DIO2: variants seen among roughly 807,000 people sequenced by gnomAD.
DIO2 encodes iodothyronine deiodinase 2.
In DIO2, 19 loss-of-function variants were observed where a neutral mutation model predicts 21.4. The observed-to-expected ratio is 0.89, with a 90% CI of 0.62 to 1.30. The LOEUF (loss-of-function observed/expected upper bound fraction) is 1.30, where lower values mean the gene tolerates loss of function less well. Ranked by LOEUF, DIO2 falls within the 50% of genes most tolerant of loss-of-function variation. DIO2 has a pLI of 0.00. For synonymous variants in DIO2, 122 were observed against 132.9 expected, an observed-to-expected ratio of 0.92 and a Z score of 0.57; for missense variants, 302 against 338.1, an observed-to-expected ratio of 0.89 and a Z score of 0.84.
At position 80,202,078 on chromosome 14, in the gene DIO2, T is replaced by C. The variant is rs1594872060; in HGVS notation, c.*611A>G. ...AGATGATCATTCTAACCTCTCAGAC[T>C]GAGGGATCATTCTCGGTATCTACAA... On this transcript the variant is annotated 3_prime_UTR_variant, in exon 2 of 2. Coordinates refer to ENST00000438257, the MANE Select transcript of DIO2 (RefSeq NM_013989.5). 1 of 274,736 alleles carries C rather than the reference T, an allele frequency of 3.6e-6. No homozygotes were observed. The highest frequency in any genetic ancestry group is 3.5e-5 in the South Asian group (1 of 28,954). 17.0% of individuals were successfully genotyped at this position (274,736 alleles called of 1,614,324 possible).
chr14:80,211,468 C>A lies in DIO2; in HGVS notation c.5G>T (p.Gly2Val). The change falls in exon 1 of 2, where the codon GGC becomes GTC. Residue 2 changes from glycine to valine, a missense_variant. Gly to Val is a moderately radical substitution (Grantham distance 109, BLOSUM62 -3). Coordinates refer to ENST00000438257, the MANE Select transcript of DIO2 (RefSeq NM_013989.5). MGILSVDLLITL... is the reference protein window; with the variant it reads MVILSVDLLITL... ...GATCAGCAAGTCTACGCTGAGGATG[C>A]CCATCTTCTCTGCCTCCTGAGTCAG... The A allele has an allele frequency of 6.2e-7, 1 of 1,605,768 alleles. No homozygotes were observed.
chr14:80,202,653 C>T lies in DIO2; in HGVS notation c.*36G>A. On this transcript the variant is annotated 3_prime_UTR_variant, in exon 2 of 2. Coordinates refer to ENST00000438257, the MANE Select transcript of DIO2 (RefSeq NM_013989.5). ...TCTTAATTTCCTTGCCTTTATATAACTTTTTAAAACAATAAGCTCTCTTAT... is the reference window on the plus strand; with the variant it reads ...TCTTAATTTCCTTGCCTTTATATAATTTTTTAAAACAATAAGCTCTCTTAT... 1 of 1,542,188 alleles carries T rather than the reference C, an allele frequency of 6.5e-7. No individual in the cohort carries two copies. The highest frequency in any genetic ancestry group is 8.7e-7 in the Non-Finnish European group (1 of 1,144,912).
At chr14:80,229,868 T>C (rs1888650606) in intron 2 of DIO2, among the ~76,000 whole-genome samples, 2 of 152,134 alleles carry the variant, frequency 1.3e-5, no homozygotes, top group Non-Finnish European at 2.9e-5. Flanking sequence ...TTGCTGTTTA[T>C]ATAAATTAAA....
chr14:80,204,110 T>C (rs1384263625), intron 1 of DIO2, among the ~76,000 whole-genome samples: 1 of 152,044 alleles, frequency 6.6e-6, no homozygotes, highest in Non-Finnish European at 1.5e-5. Flanking sequence ...TGAGCAAAGC[T>C]TTGCACTCTC....
At chr14:80,210,486 AG>A (rs1278577379) in intron 1 of DIO2, among the ~76,000 whole-genome samples, 1 of 152,250 alleles carries the variant, frequency 6.6e-6, no homozygotes, top group Non-Finnish European at 1.5e-5. Flanking sequence ...AATGAATCAC[AG>A]ACCCATCATC....
chr14:80,215,142 T>C (rs1283844436), upstream of DIO2, among the ~76,000 whole-genome samples: 2 of 152,290 alleles, frequency 1.3e-5, no homozygotes, highest in East Asian at 3.9e-4. Flanking sequence ...ATGAGTTAAA[T>C]GCAAACCAAC....
At chr14:80,216,331 G>T (rs561043075), upstream of DIO2, among the ~76,000 whole-genome samples, 16 of 152,344 alleles carry the variant, frequency 1.1e-4, no homozygotes, top group African/African-American at 3.6e-4. Context: ...GATGCTCTTT[G>T]TGAGGCAACA....
In DIO2 at chr14:80,202,232, G is replaced by C. The variant is rs1887757493; in HGVS notation, c.*457C>G. ...TCTAACCACATGGCCTGGGTTCAAGGACTTGTTGTAATATTTGGGAATTTT... is the reference window on the plus strand; with the variant it reads ...TCTAACCACATGGCCTGGGTTCAAGCACTTGTTGTAATATTTGGGAATTTT... On this transcript the variant is annotated 3_prime_UTR_variant, in exon 2 of 2. Coordinates refer to ENST00000438257, the MANE Select transcript of DIO2 (RefSeq NM_013989.5). 2.0e-6 allele frequency: 1 copy of C among 502,920 alleles called. No individual in the cohort carries two copies. The highest frequency in any genetic ancestry group is 2.0e-5 in the Admixed American group (1 of 49,908). 31.2% of individuals were successfully genotyped at this position (502,920 alleles called of 1,614,324 possible). A position where few individuals can be genotyped will look rare whatever the true frequency, so the allele number is the denominator to read the frequency against.
At position 80,198,846 on chromosome 14, in the gene DIO2, G is replaced by A. The variant is rs1361016939; in HGVS notation, c.*3843C>T. The A allele has an allele frequency of 6.6e-6, 1 of 151,042 alleles. No individual in the cohort carries two copies. The highest frequency in any genetic ancestry group is 1.5e-5 in the Non-Finnish European group (1 of 67,910). 9.4% of individuals were successfully genotyped at this position (151,042 alleles called of 1,614,324 possible). A position where few individuals can be genotyped will look rare whatever the true frequency, so the allele number is the denominator to read the frequency against. On this transcript the variant is annotated 3_prime_UTR_variant, in exon 2 of 2. Transcript: ENST00000438257. ...GTCTCCACTGCTGAGACACATGACA[G>A]TGGGGATGTTCTGAAAAGCTCTAAA... is the stretch of plus-strand genomic sequence containing the variant.
intron 2 of DIO2, among the ~76,000 whole-genome samples, chr14:80,221,515 T>G (rs1384090098): frequency 6.6e-6 from 1 of 152,148 alleles, no homozygotes; most frequent in African/African-American, 2.4e-5. Flanking sequence ...GCAGTACACA[T>G]GCTGACTCAG....
At position 80,202,612 on chromosome 14, in the gene DIO2, G is replaced by C; in HGVS notation, c.*77C>G. 1 of 1,428,574 alleles carries C rather than the reference G, an allele frequency of 7.0e-7. No homozygotes were observed. The highest frequency in any genetic ancestry group is 9.3e-7 in the Non-Finnish European group (1 of 1,072,188). The allele number at this position is 1,428,574 out of a possible 1,614,324, so 88.5% of individuals were successfully genotyped here. A position where few individuals can be genotyped will look rare whatever the true frequency, so the allele number is the denominator to read the frequency against. ...TTCAGTAAGCCAATAGGGCTCTGTT[G>C]AAATATGGATTCAGTTCTTAATTTC... is the stretch of plus-strand genomic sequence containing the variant. On this transcript the variant is annotated 3_prime_UTR_variant, in exon 2 of 2. Transcript: ENST00000438257.
At chr14:80,209,477 G>A (rs1888079916) in intron 1 of DIO2, among the ~76,000 whole-genome samples, 2 of 152,010 alleles carry the variant, frequency 1.3e-5, no homozygotes, top group African/African-American at 2.4e-5. Flanking sequence ...TGATGTTGAA[G>A]AGGGAACTTC....
chr14:80,229,030 A>T (rs1888633765), intron 2 of DIO2, among the ~76,000 whole-genome samples: 1 of 152,104 alleles, frequency 6.6e-6, no homozygotes, highest in Non-Finnish European at 1.5e-5. Flanking sequence ...CCTAACCTCA[A>T]GGGGACCCAG....
At chr14:80,211,644 C>T (rs532797050), upstream of DIO2, 946 of 543,908 alleles carry the variant, frequency 1.7e-3, 8 homozygotes, top group African/African-American at 0.017. Context: ...TCTCCTCTTT[C>T]AAAGAAGCAG....
rs1172598900 is a variant in DIO2 at position 80,198,374 on chromosome 14, G to C, written c.*4315C>G. 1 of 152,644 alleles carries C rather than the reference G, an allele frequency of 6.6e-6. No homozygotes were observed. The highest frequency in any genetic ancestry group is 1.9e-4 in the East Asian group (1 of 5,190). 9.5% of individuals were successfully genotyped at this position (152,644 alleles called of 1,614,324 possible). The stretch of plus-strand genomic sequence containing the variant: ...GAACAGAGCTGGGTCTGTTAAGTCT[G>C]AGACCTTGCTTCTGGTACTATACAC... On this transcript the variant is annotated 3_prime_UTR_variant, in exon 2 of 2. Transcript: ENST00000438257.
chr14:80,217,770 G>GT (rs1888387269), intron 2 of DIO2, among the ~76,000 whole-genome samples: 1 of 152,080 alleles, frequency 6.6e-6, no homozygotes, highest in Non-Finnish European at 1.5e-5. Flanking sequence ...TATGATTTTT[G>GT]TATCAGTAAT....
At position 80,220,920 on chromosome 14, in the gene DIO2, A is replaced by ACAG. The variant is rs535314444; in HGVS notation, c.-277-4186_-277-4184dup. On this transcript the variant is annotated intron_variant, in intron 2 of 4. Transcript: ENST00000553594. The stretch of plus-strand genomic sequence containing the variant: ...CGAATATAGGAAGTATTTATGAAAT[A>ACAG]CAGAGTCTGTTGTATATGGGTAAAA... Among the ~76,000 whole-genome samples the ACAG allele has an allele frequency of 2.3e-3, 346 of 152,348 alleles. 1 individual carries two copies. Among genetic ancestry groups the ACAG allele is most frequent in the African/African-American group, 8.1e-3 (337 of 41,576 alleles).
chr14:80,216,805 C>G (rs1335598466), intron 2 of DIO2: 1 of 152,136 alleles, frequency 6.6e-6, no homozygotes, highest in African/African-American at 2.4e-5. Context: ...ATCTCTGGAA[C>G]AACATTTCCT....
chr14:80,207,183 A>G (rs1464555118), intron 1 of DIO2, among the ~76,000 whole-genome samples: 3 of 152,218 alleles, frequency 2.0e-5, no homozygotes, highest in African/African-American at 7.2e-5. Context: ...CTCCGGGCCA[A>G]GTTCAAATGT....
Sources: gnomAD v4.1 joint callset for allele counts (sites outside exome capture counted in the v4.1 genomes callset) on GRCh38, gnomAD v4.1.1 for gene constraint, MANE v1.5 for transcripts, NCBI Gene and HGNC (gene_info 2026-07-23, HGNC 2026-07-21) for gene names.